Variants in NHSL2 observed in about 807,000 individuals in gnomAD.
NHSL2 encodes the protein NHS like 2.
NHSL2 carries 27 observed loss-of-function variants against 53.4 expected under a neutral mutation model. The observed-to-expected ratio is 0.51, with a 90% CI of 0.37 to 0.70. The LOEUF is 0.70. Ranked by LOEUF, NHSL2 falls within the 30% of genes least tolerant of loss-of-function variation. The pLI, the probability that NHSL2 is intolerant of heterozygous loss-of-function variation, is 0.00. For synonymous variants in NHSL2, 408 were observed against 404.1 expected, an observed-to-expected ratio of 1.01 and a Z score of -0.12; for missense variants, 892 against 980.1, an observed-to-expected ratio of 0.91 and a Z score of 1.20.
At position 72,053,554 on chromosome X, in the gene NHSL2, C is replaced by T. The variant is rs778714790; in HGVS notation, c.281-78525C>T. On this transcript the variant is annotated intron_variant, in intron 1 of 7. Transcript: ENST00000633930. ...CCATGATTTCACAGAGATATTATTG[C>T]TGAGAATGAGGCTGAAGTTCAGAAT... Among the ~76,000 whole-genome samples the T allele has an allele frequency of 2.7e-5, 3 of 111,754 alleles. No individual in the cohort carries two copies. The South Asian group carries it at 1.1e-3, about 42-fold the overall frequency.
intron 1 of NHSL2, among the ~76,000 whole-genome samples, chrX:71,958,680 C>G (rs2041854293): frequency 8.9e-6 from 1 of 112,363 alleles, no homozygotes; most frequent in African/African-American, 3.2e-5. Context: ...TCTCTTCTCT[C>G]TGCCTCTTTG....
chrX:72,140,967 C>T (rs1471093444), intron 6 of NHSL2, 196 bp downstream of exon 6: 1 of 370,965 alleles, frequency 2.7e-6, no homozygotes, highest in East Asian at 4.5e-5. Flanking sequence ...CAAGACTAGC[C>T]CGAGGCAGAT....
chrX:71,929,682 T>C (rs1431323583), intron 1 of NHSL2, among the ~76,000 whole-genome samples: 1 of 111,656 alleles, frequency 9.0e-6, no homozygotes, highest in African/African-American at 3.3e-5. Flanking sequence ...AAGATTGTAG[T>C]GTGCATGGAT....
At chrX:72,085,621 T>G (rs1038471570) in intron 1 of NHSL2, among the ~76,000 whole-genome samples, 1 of 111,930 alleles carries the variant, frequency 8.9e-6, no homozygotes, top group South Asian at 3.7e-4. Flanking sequence ...AGCAAAACTT[T>G]CTTGGTTTGA....
chrX:72,047,133 C>T (rs190625286), intron 1 of NHSL2, among the ~76,000 whole-genome samples: 372 of 111,359 alleles, frequency 3.3e-3, no homozygotes, highest in Non-Finnish European at 6.2e-3. Flanking sequence ...AGCACCCCCA[C>T]CCCTGGCCAC....
At chrX:72,110,743 A>C (rs1373602456) in intron 1 of NHSL2, among the ~76,000 whole-genome samples, 6 of 106,942 alleles carry the variant, frequency 5.6e-5, no homozygotes, top group African/African-American at 1.0e-4. Flanking sequence ...AAAAAAAAAA[A>C]AAAAAAAAAC....
chrX:71,969,469 C>T (rs930593624), intron 1 of NHSL2, among the ~76,000 whole-genome samples: 15 of 110,331 alleles, frequency 1.4e-4, no homozygotes, highest in African/African-American at 4.6e-4. Context: ...CCCACCACTG[C>T]GCATGGCTAA....
At chrX:72,058,239 A>G (rs981512173) in intron 1 of NHSL2, among the ~76,000 whole-genome samples, 1 of 112,910 alleles carries the variant, frequency 8.9e-6, no homozygotes, top group Admixed American at 9.3e-5. Flanking sequence ...AGCTCACAGT[A>G]TTTGTTACCA....
At chrX:72,026,655 G>T (rs920982987) in intron 1 of NHSL2, among the ~76,000 whole-genome samples, 7 of 112,645 alleles carry the variant, frequency 6.2e-5, no homozygotes, top group Non-Finnish European at 1.1e-4. Flanking sequence ...GCGAGATAAG[G>T]TTGTAAGGAT....
At chrX:72,118,355 T>A (rs189621564) in intron 1 of NHSL2, among the ~76,000 whole-genome samples, 1 of 112,497 alleles carries the variant, frequency 8.9e-6, no homozygotes, top group East Asian at 2.8e-4. Context: ...ATTTGTAAGA[T>A]ATTTTTATAT....
intron 1 of NHSL2, among the ~76,000 whole-genome samples, chrX:72,005,167 T>C (rs1414058796): frequency 1.8e-5 from 2 of 112,598 alleles, no homozygotes; most frequent in Non-Finnish European, 3.8e-5. Context: ...AGGTCTCTCT[T>C]TGTTGCCCAG....
chrX:71,950,295 C>A (rs1444565715), intron 1 of NHSL2, among the ~76,000 whole-genome samples: 1 of 112,692 alleles, frequency 8.9e-6, no homozygotes, highest in Non-Finnish European at 1.9e-5. Flanking sequence ...GGGCAGAAGG[C>A]AAGGCTAAGG....
intron 1 of NHSL2, among the ~76,000 whole-genome samples, chrX:72,121,935 T>C (rs1402252579): frequency 8.9e-6 from 1 of 112,531 alleles, no homozygotes; most frequent in Non-Finnish European, 1.9e-5. Context: ...ATTACTGTTG[T>C]TGTAAGTATC....
chrX:71,933,623 A>T (rs1327748404), intron 1 of NHSL2, among the ~76,000 whole-genome samples: 1 of 111,708 alleles, frequency 9.0e-6, no homozygotes, highest in Non-Finnish European at 1.9e-5. Flanking sequence ...CAGTGTCTCT[A>T]AGTGGACATA....
intron 1 of NHSL2, chrX:72,130,091 G>T (rs1180041967): frequency 8.3e-7 from 1 of 1,208,788 alleles, no homozygotes; most frequent in Non-Finnish European, 1.1e-6. Context: ...CCACTTGTGG[G>T]GCCAGAAGTC....
chrX:72,133,552 C>T (rs1374974170), intron 2 of NHSL2: 2 of 12,179 alleles, frequency 1.6e-4, no homozygotes, highest in African/African-American at 1.9e-4. Context: ...CCCTCTCCTT[C>T]ACCTTAGCCC....
chrX:72,131,025 G>T (rs759157504), intron 1 of NHSL2: 2 of 1,211,103 alleles, frequency 1.7e-6, no homozygotes, highest in Non-Finnish European at 2.2e-6. Context: ...CGGCTATGAA[G>T]GTCTCTAGCT....
At chrX:72,058,978 C>A (rs962348875) in intron 1 of NHSL2, among the ~76,000 whole-genome samples, 1 of 111,726 alleles carries the variant, frequency 9.0e-6, no homozygotes, top group Non-Finnish European at 1.9e-5. Flanking sequence ...CAGACTGGAC[C>A]ATCTCACCTG....
At chrX:71,965,105 A>G (rs1415056933) in intron 1 of NHSL2, among the ~76,000 whole-genome samples, 1 of 112,189 alleles carries the variant, frequency 8.9e-6, no homozygotes, top group Non-Finnish European at 1.9e-5. Context: ...TAATTTAAGA[A>G]AAGTTTAAAT....
Sources: allele counts gnomAD v4.1 joint callset (sites outside exome capture counted in the v4.1 genomes callset), GRCh38; gene constraint gnomAD v4.1.1; transcripts MANE v1.5; gene names NCBI Gene and HGNC (gene_info 2026-07-23, HGNC 2026-07-21).